ZNF718: variants seen among roughly 807,000 people sequenced by gnomAD.
ZNF718 encodes zinc finger protein 718.
A neutral mutation model predicts 2.6 loss-of-function variants in ZNF718; 3 were observed. The observed-to-expected ratio is 1.16, with a 90% CI of 0.53 to 3.01. The LOEUF (loss-of-function observed/expected upper bound fraction) is 3.01, where lower values mean the gene tolerates loss of function less well. ZNF718 is among the 30% of genes most tolerant of loss of function. The pLI is 0.03. For synonymous variants in ZNF718, 135 were observed against 77.9 expected (o/e 1.73, Z -3.86); for missense variants, 468 against 230.0 (o/e 2.03, Z -6.69).
At chr4:174,281 C>T (rs1717305370) in intron 3 of ZNF718, among the ~76,000 whole-genome samples, 2 of 152,270 alleles carry the variant, frequency 1.3e-5, no homozygotes, top group Admixed American at 6.5e-5. Flanking sequence ...TCTCTGGGAA[C>T]GTTTTGTGGC....
chr4:162,792 A>C lies in ZNF718; in HGVS notation c.*670A>C, dbSNP rs1189961824. On this transcript the variant is annotated 3_prime_UTR_variant, in exon 4 of 4. Transcript: ENST00000510175. The stretch of plus-strand genomic sequence containing the variant: ...CATTTGTTCAAAAACTATAGCTTAA[A>C]AAAAACCAGTTTATACTAGAAGATA... 2 of 152,224 alleles carry C rather than the reference A, an allele frequency of 1.3e-5. No homozygotes were observed. Among genetic ancestry groups the C allele is most frequent in the African/African-American group, 4.8e-5 (2 of 41,462 alleles). The allele number at this position is 152,224 out of a possible 1,614,324, so 9.4% of individuals were successfully genotyped here.
At chr4:126,015 G>A (rs868948759) in intron 1 of ZNF718, among the ~76,000 whole-genome samples, 32 of 152,286 alleles carry the variant, frequency 2.1e-4, no homozygotes, top group African/African-American at 7.2e-4. Flanking sequence ...CAGTCAGTGC[G>A]TAGCCCTGCC....
At chr4:179,786 A>T (rs1210814924) in intron 3 of ZNF718, among the ~76,000 whole-genome samples, 2 of 152,162 alleles carry the variant, frequency 1.3e-5, no homozygotes, top group Non-Finnish European at 2.9e-5. Flanking sequence ...AATACCCAGA[A>T]AGTTGGAAGT....
intron 1 of ZNF718, 78 bp downstream of exon 1, chr4:124,751 G>A: frequency 6.3e-7 from 1 of 1,576,422 alleles, no homozygotes; most frequent in Admixed American, 1.7e-5. Flanking sequence ...GGTGGGAGGA[G>A]TCTGTGAATG....
intron 3 of ZNF718, among the ~76,000 whole-genome samples, chr4:169,776 A>G (rs1717178692): frequency 6.6e-6 from 1 of 152,190 alleles, no homozygotes; most frequent in Non-Finnish European, 1.5e-5. Context: ...AATGCAGCAC[A>G]TTGATGGGTC....
rs73793534 is a variant in ZNF718 at position 162,542 on chromosome 4, G to C, written c.*420G>C. 0.012 allele frequency: 1,943 copies of C among 155,558 alleles called. 48 individuals carry two copies. The highest frequency in any genetic ancestry group is 0.044 in the African/African-American group (1,822 of 41,596). The allele number at this position is 155,558 out of a possible 1,614,324, so 9.6% of individuals were successfully genotyped here. A position where few individuals can be genotyped will look rare whatever the true frequency, so the allele number is the denominator to read the frequency against. On this transcript the variant is annotated 3_prime_UTR_variant, in exon 4 of 4. Transcript: ENST00000510175. ...TAAAAGGATTATAAATGTAGTATTT[G>C]TTGAAAGACCTATTAGAAAATACAG...
chr4:188,465 C>A (rs1553820700), intron 3 of ZNF718, among the ~76,000 whole-genome samples: 2 of 152,154 alleles, frequency 1.3e-5, no homozygotes, highest in African/African-American at 4.8e-5. Flanking sequence ...GCCAGTGGGT[C>A]TTATCATATG....
chr4:186,641 T>C (rs1345300983), intron 3 of ZNF718, among the ~76,000 whole-genome samples: 1 of 152,234 alleles, frequency 6.6e-6, no homozygotes, highest in African/African-American at 2.4e-5. Flanking sequence ...CTGCCTGTCT[T>C]ATTTCAGAAA....
intron 3 of ZNF718, chr4:142,066 A>T (rs1553810348): frequency 1.9e-6 from 1 of 519,946 alleles, no homozygotes; most frequent in Non-Finnish European, 3.8e-6. Flanking sequence ...CTACAACAAA[A>T]TGTCAGGACT....
chr4:170,406 T>C lies in ZNF718; in HGVS notation c.227-30675T>C, dbSNP rs181973007. ...TTGAATGTTGGCCTTCCTTGCTAGA[T>C]TGGGGAAGTTCTCCTGGATAATATC... On this transcript the variant is annotated intron_variant and NMD_transcript_variant, in intron 3 of 4. Coordinates refer to the ZNF718 transcript ENST00000642529. Among the ~76,000 whole-genome samples the C allele has an allele frequency of 2.9e-3, 441 of 152,300 alleles. 5 individuals are homozygous for C. The highest frequency in any genetic ancestry group is 9.7e-3 in the African/African-American group (404 of 41,562).
intron 3 of ZNF718, among the ~76,000 whole-genome samples, chr4:152,262 T>C (rs1304126712): frequency 1.4e-5 from 2 of 142,172 alleles, no homozygotes; most frequent in African/African-American, 5.2e-5. Flanking sequence ...CCTTCCTCTT[T>C]TACTAATCCT....
chr4:134,210 G>A (rs188729507), intron 3 of ZNF718, among the ~76,000 whole-genome samples: 3 of 152,218 alleles, frequency 2.0e-5, no homozygotes, highest in East Asian at 1.9e-4. Flanking sequence ...GCAGTGGCGC[G>A]ATATCTACTC....
rs928825180 is a variant in ZNF718, at chr4:124,531, G to T, written c.-140G>T. On this transcript the variant is annotated 5_prime_UTR_variant, in exon 1 of 4. Transcript: ENST00000510175. The stretch of plus-strand genomic sequence containing the variant: ...TTGCTTGTAGCTCCAGCCAGAGCTC[G>T]GTTAGGGCCTCATCGCTCTGCTCCC... 2.4e-5 allele frequency: 29 copies of T among 1,214,362 alleles called. No individual in the cohort carries two copies. In the East Asian group the frequency reaches 5.4e-4, roughly 23 times the overall value. 75.2% of individuals were successfully genotyped at this position (1,214,362 alleles called of 1,614,324 possible).
In ZNF718 at chr4:162,365, A is replaced by G. The variant is rs1716931998; in HGVS notation, c.*243A>G. On this transcript the variant is annotated 3_prime_UTR_variant, in exon 4 of 4. Coordinates refer to ENST00000510175, the MANE Select transcript of ZNF718 (RefSeq NM_001039127.6). ...CTTACTGCAGAAAACCCCTAGGAAT[A>G]TTAAAAGTGTGGCAAAACCTTTAAC... The G allele has an allele frequency of 2.7e-6, 1 of 371,200 alleles. No individual in the cohort carries two copies. The highest frequency in any genetic ancestry group is 2.1e-5 in the African/African-American group (1 of 48,676). 23.0% of individuals were successfully genotyped at this position (371,200 alleles called of 1,614,324 possible).
At position 162,924 on chromosome 4, in the gene ZNF718, A is replaced by G. The variant is rs1716962092; in HGVS notation, c.*802A>G. On this transcript the variant is annotated 3_prime_UTR_variant, in exon 4 of 4. Transcript: ENST00000510175. The stretch of plus-strand genomic sequence containing the variant: ...ATTAACACTTGAAACATTACAGTAT[A>G]TCAGAGTGTAAAGTATAAAAAAATT... 6.6e-6 allele frequency: 1 copy of G among 152,220 alleles called. No individual in the cohort carries two copies. The highest frequency in any genetic ancestry group is 6.5e-5 in the Admixed American group (1 of 15,278). The allele number at this position is 152,220 out of a possible 1,614,324, so 9.4% of individuals were successfully genotyped here.
intron 3 of ZNF718, among the ~76,000 whole-genome samples, chr4:179,826 T>C (rs1226208218): frequency 6.6e-6 from 1 of 152,206 alleles, no homozygotes; most frequent in Non-Finnish European, 1.5e-5. Flanking sequence ...GTGGTGGAAT[T>C]GTAGGTTATT....
At chr4:142,814 G>A (rs1384759351) in intron 3 of ZNF718, among the ~76,000 whole-genome samples, 2 of 152,184 alleles carry the variant, frequency 1.3e-5, no homozygotes, top group African/African-American at 4.8e-5. Context: ...AAATTGCTTA[G>A]TTAAGTAAGT....
chr4:170,138 T>C (rs559266240), intron 3 of ZNF718, among the ~76,000 whole-genome samples: 1 of 152,234 alleles, frequency 6.6e-6, no homozygotes, highest in African/African-American at 2.4e-5. Flanking sequence ...AAATTCTAAA[T>C]TGAAAATTCT....
chr4:140,085 C>T (rs1553810065), intron 3 of ZNF718, among the ~76,000 whole-genome samples: 1 of 152,100 alleles, frequency 6.6e-6, no homozygotes, highest in Non-Finnish European at 1.5e-5. Flanking sequence ...AGCAAACTCG[C>T]ACATGTTTTA....
Sources: allele counts gnomAD v4.1 joint callset (sites outside exome capture counted in the v4.1 genomes callset), GRCh38; gene constraint gnomAD v4.1.1; transcripts MANE v1.5; gene names NCBI Gene and HGNC (gene_info 2026-07-23, HGNC 2026-07-21).